LMO2: variants seen among roughly 807,000 people sequenced by gnomAD.
LMO2 encodes LIM domain only 2.
In LMO2, 20 loss-of-function variants were observed where a neutral mutation model predicts 23.2. The observed-to-expected ratio is 0.86, with a 90% confidence interval of 0.61 to 1.25. The LOEUF is 1.25. LMO2 is among the 50% of genes most tolerant of loss of function. The pLI, the probability that LMO2 is intolerant of heterozygous loss-of-function variation, is 0.00. For synonymous variants in LMO2, 123 were observed against 130.2 expected (o/e 0.94, Z 0.38); for missense variants, 270 against 315.3 (o/e 0.86, Z 1.09).
chr11:33,859,350 T>A lies in LMO2; in HGVS notation c.*6A>T, dbSNP rs3740616. ...CACCTCCCCAAAGATGCCCGGGGAC[T>A]CGGGCCTATATCATCCCATTGATCT... On this transcript the variant is annotated 3_prime_UTR_variant, in exon 6 of 6. Coordinates refer to ENST00000257818, the MANE Select transcript of LMO2 (RefSeq NM_005574.4). 0.21 allele frequency: 342,563 copies of A among 1,604,886 alleles called. 37,846 individuals carry two copies. The highest frequency in any genetic ancestry group is 0.25 in the Middle Eastern group (1,454 of 5,930).
At chr11:33,861,436 CG>C (rs1590627562) in intron 5 of LMO2, among the ~76,000 whole-genome samples, 1 of 152,170 alleles carries the variant, frequency 6.6e-6, no homozygotes, top group African/African-American at 2.4e-5. Flanking sequence ...GCTCATTGTT[CG>C]GGCCAGGGCC....
chr11:33,873,809 CT>C (rs34339976), intron 2 of LMO2, among the ~76,000 whole-genome samples: 9,644 of 152,240 alleles, frequency 0.063, 474 homozygotes, highest in African/African-American at 0.14. Flanking sequence ...TTTTTTTCCC[CT>C]GTGGGCATTT....
At chr11:33,888,281 A>G (rs1857461265) in intron 1 of LMO2, among the ~76,000 whole-genome samples, 1 of 152,120 alleles carries the variant, frequency 6.6e-6, no homozygotes, top group African/African-American at 2.4e-5. Flanking sequence ...CCCCATCCAC[A>G]CAGGTCAGGG....
chr11:33,868,228 A>C (rs1856857124), intron 4 of LMO2, among the ~76,000 whole-genome samples: 1 of 152,218 alleles, frequency 6.6e-6, no homozygotes, highest in South Asian at 2.1e-4. Flanking sequence ...GTAAATAAAC[A>C]CCATAGAAAG....
At chr11:33,881,240 C>G in intron 2 of LMO2, 1 of 457,178 alleles carries the variant, frequency 2.2e-6, no homozygotes, top group Non-Finnish European at 4.4e-6. Flanking sequence ...TACAGTGCTT[C>G]CCATCACATT....
intron 2 of LMO2, among the ~76,000 whole-genome samples, chr11:33,875,532 C>T (rs1029851833): frequency 2.1e-5 from 3 of 142,970 alleles, no homozygotes; most frequent in African/African-American, 7.8e-5. Context: ...GAACTGAGAC[C>T]GTGCCGTTGC....
intron 1 of LMO2, among the ~76,000 whole-genome samples, chr11:33,886,953 AG>A (rs1158557492): frequency 6.6e-6 from 1 of 152,282 alleles, no homozygotes; most frequent in Non-Finnish European, 1.5e-5. Context: ...TTCCATCCAT[AG>A]CCAGCAGGTC....
At chr11:33,889,095 G>T (rs140937298) in intron 1 of LMO2, among the ~76,000 whole-genome samples, 1 of 152,304 alleles carries the variant, frequency 6.6e-6, no homozygotes, top group African/African-American at 2.4e-5. Context: ...TGGGGAAATT[G>T]AACAGGTTTG....
rs1418321209 is a variant in LMO2 at position 33,880,990 on chromosome 11, GGTT to G, written c.-272+831_-272+833del. Reference sequence around the variant, plus strand: ...TCCAAGGACAGAAAAAAAGAGTGCAGGTTGTTATTATGCAAAGCCACAGCATTA... The same window carrying G: ...TCCAAGGACAGAAAAAAAGAGTGCAGGTTATTATGCAAAGCCACAGCATTA... On this transcript the variant is annotated intron_variant, in intron 2 of 5. Coordinates refer to ENST00000257818, the MANE Select transcript of LMO2 (RefSeq NM_005574.4). The surrounding 1 kb of genome is among the most constrained non-coding windows in gnomAD (Gnocchi z 4.3). 1 of 353,232 alleles carries G rather than the reference GGTT, an allele frequency of 2.8e-6. No individual in the cohort carries two copies. The highest frequency in any genetic ancestry group is 2.1e-5 in the South Asian group (1 of 46,624). The allele number at this position is 353,232 out of a possible 1,614,324, so 21.9% of individuals were successfully genotyped here.
intron 2 of LMO2, chr11:33,881,116 A>G (rs1166983196): frequency 2.2e-6 from 1 of 453,548 alleles, no homozygotes; most frequent in Non-Finnish European, 4.4e-6. Context: ...GTGGTGGTGG[A>G]AAAGGGGGCG....
At chr11:33,891,443 T>C (rs942592309) in intron 1 of LMO2, among the ~76,000 whole-genome samples, 4 of 151,958 alleles carry the variant, frequency 2.6e-5, no homozygotes, top group Non-Finnish European at 5.9e-5. Flanking sequence ...CAAGCCTCTC[T>C]TTTGGATCAG....
At chr11:33,881,401 T>C (rs1857280605) in intron 2 of LMO2, 1 of 456,614 alleles carries the variant, frequency 2.2e-6, no homozygotes. Context: ...CTTGGCAGGT[T>C]TATGCTAGCC....
intron 1 of LMO2, among the ~76,000 whole-genome samples, chr11:33,888,259 C>T (rs541575542): frequency 1.6e-4 from 24 of 152,210 alleles, no homozygotes; most frequent in Admixed American, 1.3e-3. Context: ...AATGGCCAGC[C>T]TTATGCTTCT....
At chr11:33,859,677 G>C in intron 5 of LMO2, 102 bp from the exon 6 acceptor site, 1 of 1,049,604 alleles carries the variant, frequency 9.5e-7, no homozygotes, top group Non-Finnish European at 1.4e-6. Flanking sequence ...CTTTCAGGAT[G>C]TCAGGAAGCC....
chr11:33,870,208 G>A (rs1046138405), intron 2 of LMO2: 21 of 419,918 alleles, frequency 5.0e-5, no homozygotes, highest in Admixed American at 2.5e-4. Flanking sequence ...CCTTGGAAAG[G>A]AGGCTGGGCA....
At chr11:33,881,346 T>C (rs1488393224) in intron 2 of LMO2, 1 of 456,782 alleles carries the variant, frequency 2.2e-6, no homozygotes, top group South Asian at 1.5e-5. Flanking sequence ...GGAAATATCT[T>C]TTATCTGGCA....
intron 2 of LMO2, among the ~76,000 whole-genome samples, chr11:33,873,574 A>G (rs1174620227): frequency 6.6e-6 from 1 of 152,234 alleles, no homozygotes; most frequent in Non-Finnish European, 1.5e-5. Context: ...CTCAGGAACT[A>G]TGAGGTGATT....
intron 1 of LMO2, among the ~76,000 whole-genome samples, chr11:33,885,268 A>C (rs1857379104): frequency 6.6e-6 from 1 of 152,132 alleles, no homozygotes; most frequent in African/African-American, 2.4e-5. Flanking sequence ...GGGCCATGAC[A>C]CTAGTTGTGC....
chr11:33,866,426 G>C (rs543299971), intron 4 of LMO2, among the ~76,000 whole-genome samples: 3 of 152,182 alleles, frequency 2.0e-5, no homozygotes, highest in African/African-American at 7.2e-5. Flanking sequence ...CTTGAGCCCA[G>C]GAGTTTGAGG....
Sources: allele counts gnomAD v4.1 joint callset (sites outside exome capture counted in the v4.1 genomes callset), GRCh38; gene constraint gnomAD v4.1.1; non-coding constraint Gnocchi (gnomAD v3.1); transcripts MANE v1.5; gene names NCBI Gene and HGNC (gene_info 2026-07-23, HGNC 2026-07-21).